Variants in YBX1 observed in about 807,000 individuals in gnomAD.
YBX1 encodes the protein Y-box-binding protein 1.
A neutral mutation model predicts 41.4 loss-of-function variants in YBX1; 3 were observed. The observed-to-expected ratio is 0.07, with a 90% CI of 0.03 to 0.19. The LOEUF is 0.19. Ranked by LOEUF, YBX1 falls within the 10% of genes least tolerant of loss-of-function variation. The probability of loss-of-function intolerance (pLI) is 1.00; values close to 1 mark genes in which losing one functional copy is unlikely to be tolerated. For missense variants in YBX1, 274 were observed against 462.8 expected, an observed-to-expected ratio of 0.59 and a Z score of 3.74; for synonymous variants, 133 against 165.8, an observed-to-expected ratio of 0.80 and a Z score of 1.52.
At chr1:42,698,813 G>A (rs1468884989) in intron 6 of YBX1, among the ~76,000 whole-genome samples, 2 of 152,188 alleles carry the variant, frequency 1.3e-5, no homozygotes, top group African/African-American at 4.8e-5. Context: ...GATAGTTGCA[G>A]AAGTAACATA....
chr1:42,700,432 C>G (rs757991263), intron 6 of YBX1, among the ~76,000 whole-genome samples: 20 of 151,976 alleles, frequency 1.3e-4, no homozygotes, highest in Admixed American at 3.9e-4. Flanking sequence ...AGCAACACAT[C>G]GCTACTAAAA....
At chr1:42,687,474 G>A (rs886210739) in intron 2 of YBX1, among the ~76,000 whole-genome samples, 1 of 152,102 alleles carries the variant, frequency 6.6e-6, no homozygotes, top group Non-Finnish European at 1.5e-5. Context: ...TGGAAACAGG[G>A]TTTCTCCATG....
At position 42,696,798 on chromosome 1, in the gene YBX1, A is replaced by G; in HGVS notation, c.511A>G (p.Asn171Asp). ...NYQNSESGEKNEGSESAPEGQ... is the reference protein window; with the variant it reads ...NYQNSESGEKDEGSESAPEGQ... ...CCAGAATAGTGAGAGTGGGGAAAAG[A>G]ACGAGGGATCGGAGAGTGCTCCCGA... The change falls in exon 5 of 8, where the codon AAC (asparagine) becomes GAC (aspartate). Residue 171 changes from asparagine to aspartate, a missense_variant. Physicochemically the swap from Asn to Asp is conservative, Grantham distance 23 (BLOSUM62 1). This residue lies in a region of YBX1 where 187 missense variants were observed against 306.3 expected (regional missense o/e 0.61). Transcript: ENST00000321358. The surrounding 1 kb of genome is among the most constrained non-coding windows in gnomAD (Gnocchi z 5.7). The G allele has an allele frequency of 6.2e-7, 1 of 1,613,688 alleles. No homozygotes were observed. Among genetic ancestry groups the G allele is most frequent in the Non-Finnish European group, 8.5e-7 (1 of 1,179,778 alleles).
intron 2 of YBX1, among the ~76,000 whole-genome samples, chr1:42,693,239 A>G (rs1351662379): frequency 2.0e-5 from 3 of 151,060 alleles, no homozygotes; most frequent in Admixed American, 6.6e-5. Flanking sequence ...CCTCTTAATT[A>G]TGGCTCAGTA....
chr1:42,700,247 C>T (rs954402335), intron 6 of YBX1, among the ~76,000 whole-genome samples: 1 of 151,948 alleles, frequency 6.6e-6, no homozygotes, highest in Admixed American at 6.6e-5. Context: ...AGAGTATGGG[C>T]AGAGGAAAGG....
chr1:42,687,237 C>G (rs1409621027), intron 2 of YBX1, among the ~76,000 whole-genome samples: 2 of 148,998 alleles, frequency 1.3e-5, no homozygotes, highest in Non-Finnish European at 3.0e-5. Flanking sequence ...CTCCCTTAAT[C>G]TTTTTTTTTT....
intron 2 of YBX1, among the ~76,000 whole-genome samples, chr1:42,689,072 T>G (rs375944678): frequency 3.9e-5 from 6 of 152,310 alleles, no homozygotes; most frequent in African/African-American, 1.4e-4. Flanking sequence ...TCATAGATAC[T>G]GAGTTATTCA....
intron 1 of YBX1, 25 bp downstream of exon 1, chr1:42,682,756 T>G (rs976398094): frequency 1.7e-6 from 2 of 1,175,666 alleles, no homozygotes; most frequent in African/African-American, 1.6e-5. Flanking sequence ...GGGACGGGGG[T>G]GGGGCCCTCG....
intron 2 of YBX1, among the ~76,000 whole-genome samples, chr1:42,691,869 T>A (rs759342597): frequency 4.9e-4 from 74 of 149,766 alleles, no homozygotes; most frequent in Admixed American, 8.0e-4. Context: ...TTTTATTTTT[T>A]TATTTTTTTT....
At chr1:42,689,078 A>G (rs1245846804) in intron 2 of YBX1, among the ~76,000 whole-genome samples, 1 of 152,190 alleles carries the variant, frequency 6.6e-6, no homozygotes, top group African/African-American at 2.4e-5. Context: ...ATACTGAGTT[A>G]TTCAAGGATA....
Position 42,703,470 on chromosome 1 carries a change from A to G in YBX1, c.*1521A>G, listed in dbSNP as rs1029885259. Among the ~76,000 whole-genome samples the G allele has an allele frequency of 6.6e-6, 1 of 151,904 alleles. No individual in the cohort carries two copies. Among genetic ancestry groups the G allele is most frequent in the Non-Finnish European group, 1.5e-5 (1 of 67,994 alleles). On this transcript the variant is annotated 3_prime_UTR_variant, in exon 8 of 8. Transcript: ENST00000321358. ...TTTGCAGAGGACTTGATAAGAGACT[A>G]CTCAAAAAAAATTTTTTTAACCCTA... is the stretch of plus-strand genomic sequence containing the variant.
At chr1:42,701,181 A>G in intron 7 of YBX1, 135 bp downstream of exon 7, 1 of 671,200 alleles carries the variant, frequency 1.5e-6, no homozygotes, top group East Asian at 2.8e-5. Context: ...GTTCTGCCCT[A>G]TTCTTAATTA....
At chr1:42,701,684 C>T (rs982470837) in intron 7 of YBX1, among the ~76,000 whole-genome samples, 1 of 152,142 alleles carries the variant, frequency 6.6e-6, no homozygotes, top group African/African-American at 2.4e-5. Flanking sequence ...GATACAATTA[C>T]GTTCTTGTTA....
intron 2 of YBX1, among the ~76,000 whole-genome samples, chr1:42,686,678 G>A (rs143668196): frequency 3.3e-5 from 5 of 152,262 alleles, no homozygotes; most frequent in African/African-American, 1.2e-4. Flanking sequence ...TAACTGATAG[G>A]TGACTTCCAA....
At position 42,703,525 on chromosome 1, in the gene YBX1, GAGTT is replaced by G. The variant is rs905781069; in HGVS notation, c.*1579_*1582del. Among the ~76,000 whole-genome samples the G allele has an allele frequency of 3.3e-5, 5 of 152,202 alleles. No individual in the cohort carries two copies. Among genetic ancestry groups the G allele is most frequent in the East Asian group, 1.9e-4 (1 of 5,172 alleles). On this transcript the variant is annotated 3_prime_UTR_variant, in exon 8 of 8. Coordinates refer to ENST00000321358, the MANE Select transcript of YBX1 (RefSeq NM_004559.5). ...GTGTAAATATCTGTACTGCAGAAGTGAGTTAGCCTATTTCTTGCTGGTGTTCATG... is the reference window on the plus strand; with the variant it reads ...GTGTAAATATCTGTACTGCAGAAGTGAGCCTATTTCTTGCTGGTGTTCATG...
In YBX1 at chr1:42,691,664, A is replaced by G. The variant is rs181228165; in HGVS notation, c.231-1826A>G. Among the ~76,000 whole-genome samples the G allele has an allele frequency of 8.2e-3, 1,251 of 152,320 alleles. 7 individuals carry two copies. The highest frequency in any genetic ancestry group is 0.012 in the South Asian group (58 of 4,828). ...CCCAGATACCATGAGTAGCATTATC[A>G]GTAATGAAAAATTCTCCACAGAAGC... On this transcript the variant is annotated intron_variant, in intron 2 of 7. Coordinates refer to ENST00000321358, the MANE Select transcript of YBX1 (RefSeq NM_004559.5).
Position 42,696,834 on chromosome 1 carries a change from C to G in YBX1, c.547C>G (p.Gln183Glu), listed in dbSNP as rs771449200. 9 of 1,612,770 alleles carry G rather than the reference C, an allele frequency of 5.6e-6. No individual in the cohort carries two copies. The highest frequency in any genetic ancestry group is 7.6e-6 in the Non-Finnish European group (9 of 1,179,276). ...GSESAPEGQAQQRRPYRRRRF... is the reference protein window; with the variant it reads ...GSESAPEGQAEQRRPYRRRRF... ...GGAGAGTGCTCCCGAAGGCCAGGCC[C>G]AACAACGCCGGCCCTACCGCAGGCG... Residue 183 changes from glutamine (Q) to glutamate (E), a missense_variant, in exon 5 of 8, where the codon CAA (glutamine) becomes GAA (glutamate). Physicochemically the swap from Gln to Glu is conservative, Grantham distance 29 (BLOSUM62 2). Coordinates refer to ENST00000321358, the MANE Select transcript of YBX1 (RefSeq NM_004559.5). This position sits in a 1 kb window ranked among gnomAD's most constrained non-coding sequence, Gnocchi z 5.7.
chr1:42,689,344 A>G (rs1175658293), intron 2 of YBX1, among the ~76,000 whole-genome samples: 1 of 152,204 alleles, frequency 6.6e-6, no homozygotes, highest in Admixed American at 6.5e-5. Context: ...TATGGAGCAT[A>G]TAGATGGTAA....
intron 2 of YBX1, among the ~76,000 whole-genome samples, chr1:42,690,272 AG>A (rs1303192904): frequency 6.6e-6 from 1 of 151,478 alleles, no homozygotes; most frequent in Non-Finnish European, 1.5e-5. Flanking sequence ...AGATCTGCAA[AG>A]GGGTTTAATA....
Sources: gnomAD v4.1 joint callset for allele counts (sites outside exome capture counted in the v4.1 genomes callset) on GRCh38, gnomAD v4.1.1 for gene constraint, gnomAD v4.1.1 regional missense constraint, Gnocchi (gnomAD v3.1) non-coding constraint, MANE v1.5 for transcripts, NCBI Gene and HGNC (gene_info 2026-07-23, HGNC 2026-07-21) for gene names.